EHBP1L1: variants seen among roughly 807,000 people sequenced by gnomAD.
The protein encoded by EHBP1L1 is EH domain-binding protein 1-like protein 1.
In EHBP1L1, 122 loss-of-function variants were observed where a neutral mutation model predicts 151.1. The ratio of observed to expected loss-of-function variants is 0.81; its 90% CI spans 0.70 to 0.94. EHBP1L1 has a LOEUF of 0.94. EHBP1L1 is among the 40% of genes least tolerant of loss of function. EHBP1L1 has a pLI of 0.00. For missense variants in EHBP1L1, 1,941 were observed against 1,959.8 expected (o/e 0.99, Z 0.18); for synonymous variants, 878 against 810.1 (o/e 1.08, Z -1.42).
Position 65,579,372 on chromosome 11 carries a change from C to T in EHBP1L1, c.194C>T (p.Pro65Leu). The T allele has an allele frequency of 1.1e-5, 17 of 1,576,000 alleles. No homozygotes were observed. The highest frequency in any genetic ancestry group is 1.4e-5 in the Non-Finnish European group (16 of 1,160,192). ...AHSWQPGIQN[P>L]YRGTVVWMVP... ...AGCTGGCAGCCGGGCATCCAGAACC[C>T]ATACCGGGGCACCGTGGTGTGGATG... The change falls in exon 3 of 19, where the codon CCA becomes CTA. Residue 65 changes from proline to leucine, a missense_variant. Physicochemically the swap from Pro to Leu is moderately conservative, Grantham distance 98. Transcript: ENST00000309295.
intron 1 of EHBP1L1, among the ~76,000 whole-genome samples, chr11:65,577,699 C>T (rs1478374478): frequency 1.3e-5 from 2 of 152,214 alleles, no homozygotes; most frequent in South Asian, 2.1e-4. Context: ...TCCGCTTCCC[C>T]TTTCTGGGAA....
Position 65,585,227 on chromosome 11 carries a change from C to T in EHBP1L1, c.3569C>T (p.Pro1190Leu). 1.8e-6 allele frequency: 2 copies of T among 1,133,880 alleles called. No homozygotes were observed. Among genetic ancestry groups the T allele is most frequent in the Non-Finnish European group, 2.2e-6 (2 of 924,834 alleles). 70.2% of individuals were successfully genotyped at this position (1,133,880 alleles called of 1,614,324 possible). A position where few individuals can be genotyped will look rare whatever the true frequency, so the allele number is the denominator to read the frequency against. Reference protein sequence around the residue: ...QRLRGHGAEGPQEPKEAADRA... With the variant: ...QRLRGHGAEGLQEPKEAADRA... ...CTGCGCGGTCACGGGGCCGAGGGGC[C>T]CCAGGAGCCCAAGGAGGCCGCAGAC... Residue 1190 changes from proline to leucine, a missense_variant, in exon 12 of 19, where the codon CCC (proline) becomes CTC (leucine). Pro to Leu is a moderately conservative substitution (Grantham distance 98). Coordinates refer to ENST00000309295, the MANE Select transcript of EHBP1L1 (RefSeq NM_001099409.3). The surrounding 1 kb of genome is among the most constrained non-coding windows in gnomAD (Gnocchi z 4.0).
chr11:65,590,407 G>T, intron 15 of EHBP1L1, 86 bp from the exon 16 acceptor site: 1 of 1,534,950 alleles, frequency 6.5e-7, no homozygotes, highest in South Asian at 1.2e-5. Flanking sequence ...TGTCACAAGG[G>T]AGCAAACCCC....
At chr11:65,576,739 T>G (rs1857349365) in intron 1 of EHBP1L1, among the ~76,000 whole-genome samples, 1 of 151,866 alleles carries the variant, frequency 6.6e-6, no homozygotes, top group African/African-American at 2.4e-5. Flanking sequence ...AGGGTGGCAT[T>G]GGAAAAGGGA....
At chr11:65,581,157 A>G in intron 7 of EHBP1L1, 31 bp downstream of exon 7, 1 of 1,612,054 alleles carries the variant, frequency 6.2e-7, no homozygotes, top group Non-Finnish European at 8.5e-7. Context: ...GGGGGTGGAG[A>G]CTGGACCCCA....
At position 65,580,004 on chromosome 11, in the gene EHBP1L1, T is replaced by C; in HGVS notation, c.312+15T>C. On this transcript the variant is annotated intron_variant, in intron 4 of 18. Transcript: ENST00000309295. ...TTATTGAAAATGTGAGTGTCTGGAG[T>C]GGGCTCAGGTCTGGAATCTTGGGGA... 1.9e-6 allele frequency: 3 copies of C among 1,613,802 alleles called. No individual in the cohort carries two copies. Among genetic ancestry groups the C allele is most frequent in the Non-Finnish European group, 2.5e-6 (3 of 1,179,818 alleles).
chr11:65,584,109 C>G, intron 9 of EHBP1L1, 132 bp from the exon 10 acceptor site: 1 of 1,488,396 alleles, frequency 6.7e-7, no homozygotes, highest in Non-Finnish European at 8.9e-7. Context: ...CCCCAAGGCT[C>G]TAGCCAGTGG....
rs761142152 is a variant in EHBP1L1, at chr11:65,581,936, T to C, written c.1264T>C (p.Cys422Arg). 3 of 1,613,640 alleles carry C rather than the reference T, an allele frequency of 1.9e-6. No individual in the cohort carries two copies. Among genetic ancestry groups the C allele is most frequent in the Non-Finnish European group, 2.5e-6 (3 of 1,179,830 alleles). Residue 422 changes from cysteine to arginine, a missense_variant, in exon 9 of 19, where the codon TGT becomes CGT. Transcript: ENST00000309295. The part of the protein sequence containing the change: ...AGEAEESSAV[C>R]QVDAEQRSKV... Reference sequence around the variant, plus strand: ...GGAGGCTGAAGAGAGTTCAGCAGTTTGTCAAGTGGATGCTGAGCAGAGGTC... The same window carrying C: ...GGAGGCTGAAGAGAGTTCAGCAGTTCGTCAAGTGGATGCTGAGCAGAGGTC...
intron 12 of EHBP1L1, 97 bp from the exon 13 acceptor site, chr11:65,589,654 G>A (rs1423615573): frequency 3.1e-5 from 45 of 1,431,314 alleles, no homozygotes; most frequent in Non-Finnish European, 3.8e-5. Context: ...CTGGGGTCAA[G>A]GACCCCTCCT....
At position 65,584,485 on chromosome 11, in the gene EHBP1L1, G is replaced by A. The variant is rs1857825376; in HGVS notation, c.3252-1G>A. The A allele has an allele frequency of 1.7e-5, 28 of 1,613,340 alleles. No individual in the cohort carries two copies. The highest frequency in any genetic ancestry group is 2.4e-5 in the Non-Finnish European group (28 of 1,179,778). Reference sequence around the variant, plus strand: ...GCCTCTGACCAGCACACTCTCTGCAGTGACTATGCCTCGCTAGACCCACTC... The same window carrying A: ...GCCTCTGACCAGCACACTCTCTGCAATGACTATGCCTCGCTAGACCCACTC... On this transcript the variant is annotated splice_acceptor_variant, in intron 10 of 18. Transcript: ENST00000309295. LOFTEE classifies it high-confidence loss of function.
Position 65,585,199 on chromosome 11 carries a change from C to A in EHBP1L1, c.3541C>A (p.Arg1181=). The change falls in exon 12 of 19, where the codon CGG becomes AGG. Residue 1181 remains arginine (R), a synonymous_variant. Transcript: ENST00000309295. This position sits in a 1 kb window ranked among gnomAD's most constrained non-coding sequence, Gnocchi z 4.0. ...DDLDAGGLAQ[R]LRGHGAEGPQ... ...CCTGGACGCCGGAGGCCTGGCGCAGCGGCTGCGCGGTCACGGGGCCGAGGG... is the reference window on the plus strand; with the variant it reads ...CCTGGACGCCGGAGGCCTGGCGCAGAGGCTGCGCGGTCACGGGGCCGAGGG... The A allele has an allele frequency of 8.4e-7, 1 of 1,194,162 alleles. No homozygotes were observed. Among genetic ancestry groups the A allele is most frequent in the Non-Finnish European group, 1.0e-6 (1 of 962,010 alleles). The allele number at this position is 1,194,162 out of a possible 1,614,324, so 74.0% of individuals were successfully genotyped here. A position where few individuals can be genotyped will look rare whatever the true frequency, so the allele number is the denominator to read the frequency against.
intron 12 of EHBP1L1, among the ~76,000 whole-genome samples, chr11:65,588,505 C>G: frequency 6.6e-6 from 1 of 152,168 alleles, no homozygotes; most frequent in East Asian, 1.9e-4. Context: ...GGGGAAGTCA[C>G]CACTGCCCCA....
At chr11:65,583,981 G>C in intron 9 of EHBP1L1, 1 of 1,405,222 alleles carries the variant, frequency 7.1e-7, no homozygotes. Flanking sequence ...CCTCTAAGCT[G>C]ATTTTCTGGG....
chr11:65,583,203 C>CA lies in EHBP1L1; in HGVS notation c.2532dup (p.Glu845ArgfsTer24). ...TCTGAGGTAGCTGGGGCCCAGGAGA[C>CA]AGAGGTCGGGGGTTCAGGGATCTCA... On this transcript the variant is annotated frameshift_variant, in exon 9 of 19. Coordinates refer to ENST00000309295, the MANE Select transcript of EHBP1L1 (RefSeq NM_001099409.3). LOFTEE classifies it high-confidence loss of function. The CA allele has an allele frequency of 6.2e-7, 1 of 1,613,312 alleles. No individual in the cohort carries two copies. Among genetic ancestry groups the CA allele is most frequent in the Non-Finnish European group, 8.5e-7 (1 of 1,179,796 alleles).
intron 3 of EHBP1L1, 30 bp downstream of exon 3, chr11:65,579,466 C>CTAGAG: frequency 7.0e-7 from 1 of 1,429,508 alleles, no homozygotes; most frequent in Non-Finnish European, 9.3e-7. Flanking sequence ...GCATGGATGG[C>CTAGAG]AATTGCAACA....
chr11:65,589,266 G>A (rs553204683), intron 12 of EHBP1L1, among the ~76,000 whole-genome samples: 13 of 152,290 alleles, frequency 8.5e-5, no homozygotes, highest in East Asian at 3.9e-4. Context: ...TTAGCTGGGC[G>A]TGATGGCGGG....
At chr11:65,580,901 C>T (rs1857566800) in intron 6 of EHBP1L1, 157 bp from the exon 7 acceptor site, 3 of 1,429,928 alleles carry the variant, frequency 2.1e-6, no homozygotes, top group African/African-American at 1.4e-5. Context: ...TTTCTCTCCA[C>T]ATCTGTGGGC....
At position 65,583,442 on chromosome 11, in the gene EHBP1L1, G is replaced by T; in HGVS notation, c.2770G>T (p.Val924Leu). 1 of 1,613,632 alleles carries T rather than the reference G, an allele frequency of 6.2e-7. No homozygotes were observed. The highest frequency in any genetic ancestry group is 2.2e-5 in the East Asian group (1 of 44,892). The change falls in exon 9 of 19, where the codon GTA (valine) becomes TTA (leucine). Residue 924 changes from valine to leucine, a missense_variant. By Grantham distance (32) the Val-to-Leu change is conservative. Coordinates refer to ENST00000309295, the MANE Select transcript of EHBP1L1 (RefSeq NM_001099409.3). ...GGAAGCAAAAGCAGAGATTTCAGGA[G>T]TACAAGGGTCAGAGACTCAAGTTCT... is the stretch of plus-strand genomic sequence containing the variant. ...SQEAKAEISG[V>L]QGSETQVLRV... is the part of the protein sequence containing the mutation.
In EHBP1L1 at chr11:65,584,404, C is replaced by T. The variant is rs919546872; in HGVS notation, c.3251+6C>T. 7.4e-6 allele frequency: 12 copies of T among 1,613,076 alleles called. No homozygotes were observed. The highest frequency in any genetic ancestry group is 1.0e-5 in the Non-Finnish European group (12 of 1,179,554). ...CGATTCTACCCAGACAAGATGTGAG[C>T]TGCCAGAGGGGTGGGAACGAATGGG... On this transcript the variant is annotated splice_donor_region_variant and intron_variant, in intron 10 of 18. Transcript: ENST00000309295.
Sources: allele counts gnomAD v4.1 joint callset (sites outside exome capture counted in the v4.1 genomes callset), GRCh38; gene constraint gnomAD v4.1.1; non-coding constraint Gnocchi (gnomAD v3.1); transcripts MANE v1.5; gene names NCBI Gene and HGNC (gene_info 2026-07-23, HGNC 2026-07-21).